Variants in RBM17 observed in about 807,000 individuals in gnomAD.
The protein encoded by RBM17 is RNA binding motif protein 17.
In RBM17, 7 loss-of-function variants were observed where a neutral mutation model predicts 53.2. That is an observed-to-expected ratio of 0.13 (90% CI 0.07 to 0.25). RBM17 has a LOEUF of 0.25. Among genes scored for constraint, RBM17 ranks in the 10% least tolerant of loss-of-function variants. RBM17 has a pLI of 1.00. For missense variants in RBM17, 257 were observed against 496.7 expected, an observed-to-expected ratio of 0.52 and a Z score of 4.59; for synonymous variants, 167 against 178.1, an observed-to-expected ratio of 0.94 and a Z score of 0.50.
chr10:6,104,948 G>A lies in RBM17; in HGVS notation c.258G>A (p.Gly86=). 6.2e-7 allele frequency: 1 copy of A among 1,613,836 alleles called. No homozygotes were observed. The highest frequency in any genetic ancestry group is 8.5e-7 in the Non-Finnish European group (1 of 1,179,790). Residue 86 remains glycine, a synonymous_variant, in exon 4 of 12, where the codon GGG becomes GGA. Coordinates refer to ENST00000379888, the MANE Select transcript of RBM17 (RefSeq NM_032905.5). ...TTCCTCAGGATCCTGTTCCCAGTGGGTTTTCTGCAGGGGAAGTTCTGATTC... is the reference window on the plus strand; with the variant it reads ...TTCCTCAGGATCCTGTTCCCAGTGGATTTTCTGCAGGGGAAGTTCTGATTC... ...AAGLKDPVPS[G]FSAGEVLIPL...
At chr10:6,113,375 AT>A (rs1412498835) in intron 8 of RBM17, 132 bp from the exon 9 acceptor site, 7 of 639,736 alleles carry the variant, frequency 1.1e-5, no homozygotes, top group African/African-American at 1.1e-4. Flanking sequence ...AATTGTGTAG[AT>A]GCCTAGGACA....
chr10:6,104,243 T>C (rs1350050069), intron 3 of RBM17, among the ~76,000 whole-genome samples: 4 of 152,230 alleles, frequency 2.6e-5, no homozygotes, highest in African/African-American at 4.8e-5. Context: ...TTGTCATGGC[T>C]ACCTCTTTTC....
intron 5 of RBM17, among the ~76,000 whole-genome samples, chr10:6,108,213 T>G (rs924122117): frequency 1.3e-5 from 2 of 152,182 alleles, no homozygotes; most frequent in Non-Finnish European, 2.9e-5. Flanking sequence ...GGGAGCTGGG[T>G]TTACTCCCTT....
At chr10:6,113,801 A>G in intron 9 of RBM17, 1 of 583,578 alleles carries the variant, frequency 1.7e-6, no homozygotes, top group Non-Finnish European at 3.0e-6. Context: ...AATATTTGAA[A>G]TTGCTAGAGC....
At chr10:6,093,077 T>G (rs1488886024) in intron 1 of RBM17, among the ~76,000 whole-genome samples, 2 of 152,236 alleles carry the variant, frequency 1.3e-5, no homozygotes, top group Non-Finnish European at 2.9e-5. Context: ...TCTAGTACAC[T>G]GCTAGATTTT....
intron 2 of RBM17, among the ~76,000 whole-genome samples, chr10:6,100,211 T>TTA (rs1840650834): frequency 6.6e-6 from 1 of 152,252 alleles, no homozygotes; most frequent in African/African-American, 2.4e-5. Flanking sequence ...TTTGTGCCTT[T>TTA]TATAGTGGTA....
At chr10:6,111,407 T>C (rs1214434343) in intron 7 of RBM17, among the ~76,000 whole-genome samples, 1 of 152,242 alleles carries the variant, frequency 6.6e-6, no homozygotes, top group Non-Finnish European at 1.5e-5. Flanking sequence ...TGGTGCGATC[T>C]CGCCTCACTG....
intron 1 of RBM17, among the ~76,000 whole-genome samples, chr10:6,094,217 A>G (rs1469028776): frequency 1.3e-5 from 2 of 151,954 alleles, no homozygotes; most frequent in Non-Finnish European, 2.9e-5. Context: ...TGACCTCGTG[A>G]TCCACCCGCC....
At chr10:6,099,353 G>A (rs1335258088) in intron 2 of RBM17, among the ~76,000 whole-genome samples, 1 of 151,838 alleles carries the variant, frequency 6.6e-6, no homozygotes, top group Non-Finnish European at 1.5e-5. Flanking sequence ...GATTGGCCTA[G>A]CCAAACCTGT....
chr10:6,102,775 A>T (rs930674737), intron 3 of RBM17, among the ~76,000 whole-genome samples: 1 of 152,132 alleles, frequency 6.6e-6, no homozygotes, highest in African/African-American at 2.4e-5. Flanking sequence ...CATTGCCTTT[A>T]TAAATACCAC....
chr10:6,098,563 G>GTCTTTTTTTTTTTTTTTTTT lies in RBM17; in HGVS notation c.123+1376_123+1377insCTTTTTTTTTTTTTTTTTTT. Among the ~76,000 whole-genome samples, 2 of 46,642 alleles carry GTCTTTTTTTTTTTTTTTTTT rather than the reference G, an allele frequency of 4.3e-5. 1 individual carries two copies. The highest frequency in any genetic ancestry group is 8.9e-5 in the Non-Finnish European group (2 of 22,538). The allele number at this position is 46,642 out of a possible 152,430, so 30.6% of individuals were successfully genotyped here. A position where few individuals can be genotyped will look rare whatever the true frequency, so the allele number is the denominator to read the frequency against. On this transcript the variant is annotated intron_variant, in intron 2 of 11. Coordinates refer to ENST00000379888, the MANE Select transcript of RBM17 (RefSeq NM_032905.5). ...AATTTCCGTAATACACAGGTTTTTT[G>GTCTTTTTTTTTTTTTTTTTT]TTTTTTTTTTTTTTTTTTTTTTTTT...
In RBM17 at chr10:6,116,809, CATAA is replaced by C. The variant is rs899781368; in HGVS notation, c.*1259_*1262del. ...AGGATTTTCTCATGTTTTTATTTAA[CATAA>C]ATAAAAGAATAACATTTTATCTTTT... is the stretch of plus-strand genomic sequence containing the variant. On this transcript the variant is annotated 3_prime_UTR_variant, in exon 12 of 12. Coordinates refer to ENST00000379888, the MANE Select transcript of RBM17 (RefSeq NM_032905.5). 6.6e-6 allele frequency: 1 copy of C among 152,196 alleles called. No individual in the cohort carries two copies. Among genetic ancestry groups the C allele is most frequent in the Non-Finnish European group, 1.5e-5 (1 of 68,012 alleles). 9.4% of individuals were successfully genotyped at this position (152,196 alleles called of 1,614,324 possible).
chr10:6,101,012 T>C (rs373935481), intron 2 of RBM17, among the ~76,000 whole-genome samples: 12 of 152,180 alleles, frequency 7.9e-5, no homozygotes, highest in African/African-American at 2.9e-4. Flanking sequence ...ACAAAACTCT[T>C]ATCCCCAAGT....
intron 3 of RBM17, among the ~76,000 whole-genome samples, chr10:6,103,681 T>G (rs1286691197): frequency 6.6e-6 from 1 of 152,232 alleles, no homozygotes; most frequent in African/African-American, 2.4e-5. Context: ...ATTGCTCTTA[T>G]TCATTGGATC....
chr10:6,108,631 T>G, intron 5 of RBM17, 55 bp from the exon 6 acceptor site: 1 of 1,426,518 alleles, frequency 7.0e-7, no homozygotes, highest in Non-Finnish European at 9.9e-7. Flanking sequence ...GTCATAGTCG[T>G]TTGGGAGTCT....
intron 9 of RBM17, 29 bp downstream of exon 9, chr10:6,113,610 G>A (rs1443863424): frequency 1.4e-6 from 2 of 1,474,620 alleles, no homozygotes; most frequent in African/African-American, 1.4e-5. Flanking sequence ...CAAGCTCTCT[G>A]CCTGCCTAGA....
At chr10:6,095,280 T>C (rs541190431) in intron 1 of RBM17, among the ~76,000 whole-genome samples, 38 of 152,202 alleles carry the variant, frequency 2.5e-4, no homozygotes, top group Non-Finnish European at 5.1e-4. Context: ...TGGTGTGATC[T>C]TGGCTCACTG....
chr10:6,106,184 C>G lies in RBM17; in HGVS notation c.451C>G (p.Pro151Ala). The change falls in exon 5 of 12, where the codon CCA becomes GCA. Residue 151 changes from proline to alanine, a missense_variant. Physicochemically the swap from Pro to Ala is conservative, Grantham distance 27. Transcript: ENST00000379888. ...TGAAGCAAGTGGGTTTGCAAGGAGACCAGATCCAGATTCTGATGAAGATGA... is the reference window on the plus strand; with the variant it reads ...TGAAGCAAGTGGGTTTGCAAGGAGAGCAGATCCAGATTCTGATGAAGATGA... The part of the protein sequence containing the change: ...RHEASGFARR[P>A]DPDSDEDEDY... 6.2e-7 allele frequency: 1 copy of G among 1,613,526 alleles called. No homozygotes were observed. The highest frequency in any genetic ancestry group is 8.5e-7 in the Non-Finnish European group (1 of 1,179,670).
chr10:6,110,186 C>G (rs1020734951), intron 7 of RBM17, 59 bp downstream of exon 7: 2 of 1,463,176 alleles, frequency 1.4e-6, no homozygotes, highest in South Asian at 2.8e-5. Context: ...GTTGATAGCC[C>G]TTTCAATAGA....
Sources: gnomAD v4.1 joint callset for allele counts (sites outside exome capture counted in the v4.1 genomes callset) on GRCh38, gnomAD v4.1.1 for gene constraint, MANE v1.5 for transcripts, NCBI Gene and HGNC (gene_info 2026-07-23, HGNC 2026-07-21) for gene names.